The following PPP1R14C variants were observed in gnomAD, a reference collection of about 807,000 sequenced individuals.
The protein encoded by PPP1R14C is protein phosphatase 1 regulatory inhibitor subunit 14C.
Under a neutral mutation model 20.4 loss-of-function variants are expected in PPP1R14C, and 16 were observed. The ratio of observed to expected loss-of-function variants is 0.78; its 90% CI spans 0.53 to 1.19. The LOEUF is 1.19. Ranked by LOEUF, PPP1R14C falls within the 50% of genes most tolerant of loss-of-function variation. PPP1R14C has a pLI of 0.00. For missense variants in PPP1R14C, 211 were observed against 220.1 expected (o/e 0.96, Z 0.26); for synonymous variants, 91 against 91.0 (o/e 1.00, Z 0.00).
At chr6:150,211,837 C>T (rs1778027485) in intron 1 of PPP1R14C, among the ~76,000 whole-genome samples, 1 of 152,180 alleles carries the variant, frequency 6.6e-6, no homozygotes, top group Admixed American at 6.5e-5. Context: ...CTTTCTCTTC[C>T]TATGCCTCTG....
intron 1 of PPP1R14C, among the ~76,000 whole-genome samples, chr6:150,196,299 G>A (rs1777803623): frequency 1.4e-5 from 2 of 144,572 alleles, no homozygotes; most frequent in Admixed American, 6.9e-5. Flanking sequence ...GAGCCACTGG[G>A]ACTCAAAGTA....
intron 1 of PPP1R14C, among the ~76,000 whole-genome samples, chr6:150,202,650 CCTGGTCTCAGGG>C (rs1415335401): frequency 6.6e-6 from 1 of 152,192 alleles, no homozygotes; most frequent in Non-Finnish European, 1.5e-5. Context: ...CACAGCCTGG[CCTGGTCTCAGGG>C]CTGAAGCTGA....
At chr6:150,225,633 A>G (rs140101361) in intron 3 of PPP1R14C, among the ~76,000 whole-genome samples, 3 of 152,342 alleles carry the variant, frequency 2.0e-5, no homozygotes, top group African/African-American at 7.2e-5. Flanking sequence ...AACTTCTTAC[A>G]TACCTGACTG....
intron 1 of PPP1R14C, among the ~76,000 whole-genome samples, chr6:150,150,363 G>A (rs1334348652): frequency 1.3e-5 from 2 of 152,068 alleles, no homozygotes; most frequent in East Asian, 3.9e-4. Flanking sequence ...GATCTTCCCT[G>A]AGTCCCACCC....
chr6:150,244,606 C>T (rs1299806141), intron 3 of PPP1R14C, among the ~76,000 whole-genome samples: 1 of 152,160 alleles, frequency 6.6e-6, no homozygotes. Flanking sequence ...AGCCACTAGC[C>T]ATCTGTGGCT....
intron 1 of PPP1R14C, among the ~76,000 whole-genome samples, chr6:150,171,344 A>G (rs1777496871): frequency 6.6e-6 from 1 of 152,186 alleles, no homozygotes; most frequent in Non-Finnish European, 1.5e-5. Flanking sequence ...GTACATACCT[A>G]ATATCTTATA....
chr6:150,157,564 AAG>A lies in PPP1R14C; in HGVS notation c.306+14069_306+14070del, dbSNP rs139572918. 5.3e-3 allele frequency among the ~76,000 whole-genome samples: 798 copies of A among 151,298 alleles called. 10 individuals carry two copies. The highest frequency in any genetic ancestry group is 0.019 in the African/African-American group (778 of 40,586). ...CCTGAGACTGGGTGATTTATCAAGA[AAG>A]AGCCTTATTTGGCTCATGATTCTGG... On this transcript the variant is annotated intron_variant, in intron 1 of 3. Transcript: ENST00000361131.
chr6:150,157,183 C>T (rs1777314933), intron 1 of PPP1R14C, among the ~76,000 whole-genome samples: 1 of 152,220 alleles, frequency 6.6e-6, no homozygotes, highest in African/African-American at 2.4e-5. Context: ...GAATGAGATA[C>T]AGATAATGTA....
chr6:150,175,854 T>A (rs10457859), intron 1 of PPP1R14C, among the ~76,000 whole-genome samples: 22,843 of 152,242 alleles, frequency 0.15, 1,905 homozygotes, highest in South Asian at 0.3. Context: ...GAAAATGCAG[T>A]TTGAACCACA....
chr6:150,233,245 G>C (rs899831972), intron 3 of PPP1R14C, among the ~76,000 whole-genome samples: 4 of 152,148 alleles, frequency 2.6e-5, no homozygotes, highest in African/African-American at 9.7e-5. Context: ...GGAGTGAGGA[G>C]GGGCGGTTAG....
intron 1 of PPP1R14C, among the ~76,000 whole-genome samples, chr6:150,191,775 G>A (rs905321060): frequency 3.7e-4 from 56 of 152,224 alleles, no homozygotes; most frequent in African/African-American, 1.2e-3. Flanking sequence ...AAATCTGCGT[G>A]TTTGAGTACT....
intron 1 of PPP1R14C, among the ~76,000 whole-genome samples, chr6:150,169,626 G>A (rs1462974122): frequency 6.6e-6 from 1 of 152,218 alleles, no homozygotes; most frequent in Admixed American, 6.5e-5. Context: ...CACAGGACAA[G>A]TGAATTGTGA....
intron 1 of PPP1R14C, among the ~76,000 whole-genome samples, chr6:150,181,056 G>A (rs1052094643): frequency 6.6e-6 from 1 of 152,198 alleles, no homozygotes; most frequent in African/African-American, 2.4e-5. Context: ...GGTTACTGAT[G>A]TCTTTTTTAA....
At chr6:150,240,728 T>A (rs1778422456) in intron 3 of PPP1R14C, among the ~76,000 whole-genome samples, 1 of 152,226 alleles carries the variant, frequency 6.6e-6, no homozygotes. Context: ...ATCCTTTTGT[T>A]ACCTGAGTGT....
chr6:150,243,922 G>A (rs2114934351), intron 3 of PPP1R14C, among the ~76,000 whole-genome samples: 1 of 152,248 alleles, frequency 6.6e-6, no homozygotes, highest in South Asian at 2.1e-4. Context: ...ACACTAAAAA[G>A]TACAGTGTTA....
chr6:150,195,651 T>A (rs1225419725), intron 1 of PPP1R14C: 1 of 188,914 alleles, frequency 5.3e-6, no homozygotes, highest in Admixed American at 6.5e-5. Flanking sequence ...CTTGTTTTGT[T>A]TTTTTATTGT....
At position 150,214,838 on chromosome 6, in the gene PPP1R14C, T is replaced by G. The variant is rs374196736; in HGVS notation, c.390+11T>G. ...GCTTCAAAATTACAGGTAAGCAGTT[T>G]CCAAAATTGAGAACCTTCTAATCAT... On this transcript the variant is annotated intron_variant, in intron 2 of 3. Coordinates refer to ENST00000361131, the MANE Select transcript of PPP1R14C (RefSeq NM_030949.3). The G allele has an allele frequency of 1.3e-6, 2 of 1,596,526 alleles. No individual in the cohort carries two copies. Among genetic ancestry groups the G allele is most frequent in the South Asian group, 2.2e-5 (2 of 89,002 alleles).
At chr6:150,211,216 G>A (rs541281087) in intron 1 of PPP1R14C, among the ~76,000 whole-genome samples, 26 of 152,284 alleles carry the variant, frequency 1.7e-4, no homozygotes, top group Admixed American at 5.2e-4. Context: ...TAGACAGCCC[G>A]TCCCCCAGTG....
intron 1 of PPP1R14C, among the ~76,000 whole-genome samples, chr6:150,144,922 G>A (rs1050580247): frequency 6.6e-6 from 1 of 152,128 alleles, no homozygotes; most frequent in African/African-American, 2.4e-5. Flanking sequence ...GATGTAGATG[G>A]GATTACTGTT....
Sources: allele counts gnomAD v4.1 joint callset (sites outside exome capture counted in the v4.1 genomes callset), GRCh38; gene constraint gnomAD v4.1.1; transcripts MANE v1.5; gene names NCBI Gene and HGNC (gene_info 2026-07-23, HGNC 2026-07-21).